The following SP140L variants were observed in gnomAD, a reference collection of about 807,000 sequenced individuals.
The protein encoded by SP140L is nuclear body protein SP140-like protein.
In SP140L, 64 loss-of-function variants were observed where a neutral mutation model predicts 84.3. That is an observed-to-expected ratio of 0.76 (90% CI 0.62 to 0.94). The LOEUF (loss-of-function observed/expected upper bound fraction) is 0.94, where lower values mean the gene tolerates loss of function less well. Ranked by LOEUF, SP140L falls within the 40% of genes least tolerant of loss-of-function variation. The probability of loss-of-function intolerance (pLI) is 0.00; values close to 1 mark genes in which losing one functional copy is unlikely to be tolerated. For synonymous variants in SP140L, 242 were observed against 236.9 expected (o/e 1.02, Z -0.20); for missense variants, 628 against 692.5 (o/e 0.91, Z 1.05).
At chr2:230,343,010 A>C (rs1319040512) in intron 2 of SP140L, among the ~76,000 whole-genome samples, 1 of 152,204 alleles carries the variant, frequency 6.6e-6, no homozygotes, top group Non-Finnish European at 1.5e-5. Context: ...TTATAGCTAT[A>C]AACCTGATAG....
chr2:230,334,481 T>A (rs999537399), intron 2 of SP140L, among the ~76,000 whole-genome samples: 1 of 152,220 alleles, frequency 6.6e-6, no homozygotes, highest in Non-Finnish European at 1.5e-5. Context: ...CCAGGCTTAA[T>A]GAAATACATA....
Position 230,346,282 on chromosome 2 carries a change from AT to A in SP140L, c.108-11522del, listed in dbSNP as rs540566078. ...TCTTATGAGGGCTCCATTTTTTGTG[AT>A]AAGTTATGCTTTCCTTGCTGCTTTC... On this transcript the variant is annotated intron_variant, in intron 2 of 18. Coordinates refer to ENST00000415673, the MANE Select transcript of SP140L (RefSeq NM_138402.6). 1.1e-3 allele frequency among the ~76,000 whole-genome samples: 171 copies of A among 152,126 alleles called. 1 individual carries two copies. In the Middle Eastern group the frequency reaches 0.014, roughly 12 times the overall value.
rs923613335 is a variant in SP140L, at chr2:230,401,310, C to T, written c.1423-56C>T. 3.3e-5 allele frequency: 53 copies of T among 1,610,326 alleles called. No individual in the cohort carries two copies. The Middle Eastern group carries it at 9.9e-4, about 30-fold the overall frequency. On this transcript the variant is annotated intron_variant, in intron 16 of 18. Transcript: ENST00000415673. ...TGTGAGTCGTGTGCTGTGTCTCATG[C>T]ATGTGGGCTCATTCTCTCCAAGCTG... is the stretch of plus-strand genomic sequence containing the variant.
intron 7 of SP140L, among the ~76,000 whole-genome samples, chr2:230,379,556 T>C (rs1008433764): frequency 5.9e-5 from 9 of 152,182 alleles, no homozygotes; most frequent in Non-Finnish European, 1.3e-4. Flanking sequence ...AATCAATTTT[T>C]TAAATCATTT....
In SP140L at chr2:230,403,392, C is replaced by CG. The variant is rs1458695444; in HGVS notation, c.*500dup. The stretch of plus-strand genomic sequence containing the variant: ...TAATTTTTTGCATTTTTAGTAGAGA[C>CG]GGGGTTTCACTATGTTGGCCAGGCT... On this transcript the variant is annotated 3_prime_UTR_variant, in exon 19 of 19. Coordinates refer to ENST00000415673, the MANE Select transcript of SP140L (RefSeq NM_138402.6). 1.9e-5 allele frequency: 3 copies of CG among 153,892 alleles called. No homozygotes were observed. The highest frequency in any genetic ancestry group is 1.9e-4 in the East Asian group (1 of 5,214). The allele number at this position is 153,892 out of a possible 1,614,324, so 9.5% of individuals were successfully genotyped here. A position where few individuals can be genotyped will look rare whatever the true frequency, so the allele number is the denominator to read the frequency against.
chr2:230,355,637 G>C (rs1313263849), intron 2 of SP140L, among the ~76,000 whole-genome samples: 1 of 152,132 alleles, frequency 6.6e-6, no homozygotes, highest in African/African-American at 2.4e-5. Flanking sequence ...TTAAGCCATG[G>C]TATTCAACAC....
intron 7 of SP140L, among the ~76,000 whole-genome samples, chr2:230,376,001 T>TGGAG (rs1002272441): frequency 8.5e-5 from 13 of 152,122 alleles, no homozygotes; most frequent in Admixed American, 2.0e-4. Flanking sequence ...AATCGAGGAG[T>TGGAG]TTTTCCCTGT....
At chr2:230,381,718 A>G (rs1157523445) in intron 7 of SP140L, among the ~76,000 whole-genome samples, 1 of 15,054 alleles carries the variant, frequency 6.6e-5, no homozygotes, top group East Asian at 5.4e-4. Context: ...CTCTACACAC[A>G]CACACACACA....
At chr2:230,379,291 G>A (rs12694854) in intron 7 of SP140L, among the ~76,000 whole-genome samples, 34,950 of 151,544 alleles carry the variant, frequency 0.23, 4,266 homozygotes, top group Non-Finnish European at 0.28. Context: ...GTTTTTTTGT[G>A]TGTCTCTTTC....
chr2:230,354,912 AAAG>A (rs2060493510), intron 2 of SP140L, among the ~76,000 whole-genome samples: 1 of 146,742 alleles, frequency 6.8e-6, no homozygotes, highest in Non-Finnish European at 1.5e-5. Context: ...GAGAAAGAAG[AAAG>A]AAAAAGAAAG....
intron 2 of SP140L, among the ~76,000 whole-genome samples, chr2:230,334,144 T>C (rs2059802227): frequency 6.6e-6 from 1 of 152,226 alleles, no homozygotes; most frequent in African/African-American, 2.4e-5. Flanking sequence ...TCGTTGACTG[T>C]ACCCCATTTT....
At chr2:230,373,678 C>G (rs1346183598) in intron 7 of SP140L, among the ~76,000 whole-genome samples, 1 of 152,240 alleles carries the variant, frequency 6.6e-6, no homozygotes, top group Non-Finnish European at 1.5e-5. Flanking sequence ...AATGCTATTT[C>G]CATGCCTGCT....
At chr2:230,394,407 C>T (rs1393765890) in intron 13 of SP140L, among the ~76,000 whole-genome samples, 3 of 152,206 alleles carry the variant, frequency 2.0e-5, no homozygotes, top group Admixed American at 1.3e-4. Context: ...CATAGCTAGC[C>T]ACTAAGCTTC....
In SP140L at chr2:230,367,413, C is replaced by T. The variant is rs887412900; in HGVS notation, c.524-3495C>T. ...GCTCAGGCTACCCTCCTGCCTCAGCCGTCCAAGTAGCTGAGACCACAGGTG... is the reference window on the plus strand; with the variant it reads ...GCTCAGGCTACCCTCCTGCCTCAGCTGTCCAAGTAGCTGAGACCACAGGTG... On this transcript the variant is annotated intron_variant, in intron 5 of 18. Transcript: ENST00000415673. 2.6e-4 allele frequency among the ~76,000 whole-genome samples: 39 copies of T among 151,222 alleles called. 1 individual carries two copies. The highest frequency in any genetic ancestry group is 5.3e-4 in the Admixed American group (8 of 15,212).
In SP140L at chr2:230,383,586, A is replaced by G. The variant is rs1174223409; in HGVS notation, c.703+11A>G. 2 of 1,596,446 alleles carry G rather than the reference A, an allele frequency of 1.3e-6. No individual in the cohort carries two copies. Among genetic ancestry groups the G allele is most frequent in the African/African-American group, 2.7e-5 (2 of 74,756 alleles). On this transcript the variant is annotated intron_variant, in intron 8 of 18. Coordinates refer to ENST00000415673, the MANE Select transcript of SP140L (RefSeq NM_138402.6). ...ACAACCAACAAAATGGTAAGCAGGC[A>G]AAGTGAAGTAGTTACAGCTTTTGAG...
intron 1 of SP140L, among the ~76,000 whole-genome samples, chr2:230,328,374 A>G (rs927000506): frequency 6.6e-6 from 1 of 152,206 alleles, no homozygotes; most frequent in East Asian, 1.9e-4. Flanking sequence ...TTTTGTAAAC[A>G]TATAATTTGT....
At chr2:230,350,751 A>G (rs1478601260) in intron 2 of SP140L, among the ~76,000 whole-genome samples, 1 of 152,018 alleles carries the variant, frequency 6.6e-6, no homozygotes, top group Admixed American at 6.6e-5. Context: ...TGGGGGCAGG[A>G]TGGGGGATTG....
chr2:230,327,345 A>G (rs769229243), intron 1 of SP140L, 44 bp downstream of exon 1: 25 of 1,592,930 alleles, frequency 1.6e-5, no homozygotes, highest in Non-Finnish European at 2.1e-5. Flanking sequence ...CTCTGGCAGT[A>G]TTGGAGCTTT....
intron 2 of SP140L, among the ~76,000 whole-genome samples, chr2:230,337,653 C>T (rs1269892688): frequency 6.6e-6 from 1 of 152,076 alleles, no homozygotes; most frequent in Non-Finnish European, 1.5e-5. Context: ...CTTTAATCCA[C>T]CTTGAATTAA....
Sources: gnomAD v4.1 joint callset for allele counts (sites outside exome capture counted in the v4.1 genomes callset) on GRCh38, gnomAD v4.1.1 for gene constraint, MANE v1.5 for transcripts, NCBI Gene and HGNC (gene_info 2026-07-23, HGNC 2026-07-21) for gene names.